The following EXD3 variants were observed in gnomAD, a reference collection of about 807,000 sequenced individuals.
EXD3 encodes the protein exonuclease mut-7 homolog.
In EXD3, 92 loss-of-function variants were observed where a neutral mutation model predicts 98.0. The ratio of observed to expected loss-of-function variants is 0.94; its 90% CI spans 0.79 to 1.12. The LOEUF (loss-of-function observed/expected upper bound fraction) is 1.12, where lower values mean the gene tolerates loss of function less well. Ranked by LOEUF, EXD3 falls within the 50% of genes most tolerant of loss-of-function variation. The pLI, the probability that EXD3 is intolerant of heterozygous loss-of-function variation, is 0.00. For synonymous variants in EXD3, 569 were observed against 526.0 expected (o/e 1.08, Z -1.12); for missense variants, 1,222 against 1,191.6 (o/e 1.03, Z -0.38).
intron 2 of EXD3, among the ~76,000 whole-genome samples, chr9:137,386,458 G>A (rs1037039829): frequency 2.0e-5 from 3 of 151,872 alleles, no homozygotes; most frequent in African/African-American, 4.8e-5. Flanking sequence ...TGCCCTCCAG[G>A]TGGGCAGGGT....
intron 2 of EXD3, among the ~76,000 whole-genome samples, chr9:137,388,209 C>A (rs1436168517): frequency 1.3e-5 from 2 of 152,130 alleles, no homozygotes; most frequent in Non-Finnish European, 2.9e-5. Context: ...TGGCTTCCCC[C>A]CCAGCCACCC....
chr9:137,346,925 T>G (rs1328267933), intron 17 of EXD3, among the ~76,000 whole-genome samples: 1 of 152,122 alleles, frequency 6.6e-6, no homozygotes, highest in East Asian at 1.9e-4. Context: ...CAAGCAATTC[T>G]CTGCCTCAGC....
In EXD3 at chr9:137,354,250, C is replaced by T. The variant is rs187689012; in HGVS notation, c.870+89G>A. ...AGCCCCAGCGAAGGCCTCAGCTCTG[C>T]GCACTTCCACCAGGAGGCTCCGGGC... On this transcript the variant is annotated intron_variant, in intron 10 of 21. Coordinates refer to ENST00000340951, the MANE Select transcript of EXD3 (RefSeq NM_017820.5). 4.8e-3 allele frequency: 7,375 copies of T among 1,549,724 alleles called. 37 individuals carry two copies. Among genetic ancestry groups the T allele is most frequent in the South Asian group, 8.5e-3 (730 of 86,074 alleles).
chr9:137,377,790 T>A (rs1218083068), intron 3 of EXD3, among the ~76,000 whole-genome samples: 1 of 140,246 alleles, frequency 7.1e-6, no homozygotes, highest in Non-Finnish European at 1.6e-5. Context: ...GTCGTTGAAT[T>A]TTTTTTTTTT....
intron 10 of EXD3, chr9:137,354,012 G>C: frequency 8.7e-7 from 1 of 1,155,568 alleles, no homozygotes. Context: ...CCTCGCCCAG[G>C]CGCCTTGCAC....
At chr9:137,410,739 G>A (rs1389128682) in intron 1 of EXD3, among the ~76,000 whole-genome samples, 3 of 152,160 alleles carry the variant, frequency 2.0e-5, no homozygotes, top group Non-Finnish European at 4.4e-5. Context: ...CATGGAGGAG[G>A]TGACCCACGG....
intron 3 of EXD3, among the ~76,000 whole-genome samples, chr9:137,375,336 T>C (rs527760478): frequency 6.6e-5 from 10 of 152,318 alleles, no homozygotes; most frequent in African/African-American, 1.7e-4. Flanking sequence ...TAGTGAGTTC[T>C]AGCTCTAGTG....
intron 5 of EXD3, among the ~76,000 whole-genome samples, chr9:137,372,651 G>A (rs117705584): frequency 0.015 from 2,265 of 152,336 alleles, 34 homozygotes; most frequent in Middle Eastern, 0.061. Flanking sequence ...GAGACACAGG[G>A]TCGGCAGGGG....
chr9:137,410,484 CAAAAAA>C (rs34834761), intron 1 of EXD3, among the ~76,000 whole-genome samples: 1 of 72,354 alleles, frequency 1.4e-5, no homozygotes, highest in African/African-American at 5.2e-5. Flanking sequence ...AACTCTGTCT[CAAAAAA>C]AAAAAAAAAA....
At position 137,419,986 on chromosome 9, in the gene EXD3, C is replaced by T. The variant is rs548000087; in HGVS notation, c.-48+3128G>A. Among the ~76,000 whole-genome samples the T allele has an allele frequency of 3.6e-3, 540 of 152,092 alleles. 2 individuals are homozygous for T. The highest frequency in any genetic ancestry group is 0.012 in the African/African-American group (488 of 41,494). ...CATCCTGGCTAATACGGTGAAACCC[C>T]ATCTCTACTAAAAATACAAAAAAAT... On this transcript the variant is annotated intron_variant, in intron 1 of 21. Coordinates refer to ENST00000340951, the MANE Select transcript of EXD3 (RefSeq NM_017820.5).
intron 20 of EXD3, among the ~76,000 whole-genome samples, chr9:137,309,264 T>G (rs1291401606): frequency 6.6e-6 from 1 of 152,082 alleles, no homozygotes; most frequent in Admixed American, 6.5e-5. Flanking sequence ...TGTGTGCAGG[T>G]GTAGGTGCAC....
At chr9:137,384,254 A>G (rs575136709) in intron 2 of EXD3, among the ~76,000 whole-genome samples, 13 of 152,354 alleles carry the variant, frequency 8.5e-5, no homozygotes, top group African/African-American at 1.7e-4. Context: ...AGACCTCAGC[A>G]GCTGGATTCT....
Position 137,351,421 on chromosome 9 carries a change from A to G in EXD3, c.1281T>C (p.Leu427=). Residue 427 remains leucine (L), a synonymous_variant, in exon 13 of 22, where the codon CTT becomes CTC. Transcript: ENST00000340951. The part of the protein sequence containing the change: ...LQVAVEGHVF[L]LDVLALSQPP... ...GCTGCGAGAGTGCCAGGACGTCCAGAAGGAACACGTGGCCCTCCACGGCCA... is the reference window on the plus strand; with the variant it reads ...GCTGCGAGAGTGCCAGGACGTCCAGGAGGAACACGTGGCCCTCCACGGCCA... 1.2e-6 allele frequency: 2 copies of G among 1,608,878 alleles called. No homozygotes were observed. Among genetic ancestry groups the G allele is most frequent in the South Asian group, 1.1e-5 (1 of 90,252 alleles).
chr9:137,414,976 C>A (rs1258347990), intron 1 of EXD3, among the ~76,000 whole-genome samples: 1 of 152,160 alleles, frequency 6.6e-6, no homozygotes, highest in Non-Finnish European at 1.5e-5. Flanking sequence ...CAAGCTTTGC[C>A]TCCAGGGTTC....
At chr9:137,374,992 C>A in intron 3 of EXD3, 2 of 354,964 alleles carry the variant, frequency 5.6e-6, no homozygotes, top group Non-Finnish European at 7.9e-6. Flanking sequence ...AGTTGTAGCT[C>A]TTGTGAGTTC....
intron 7 of EXD3, among the ~76,000 whole-genome samples, chr9:137,356,828 C>A (rs1474426899): frequency 6.6e-6 from 1 of 152,182 alleles, no homozygotes; most frequent in Admixed American, 6.5e-5. Context: ...TACTTGGCTC[C>A]TCCTGCCCCT....
At chr9:137,399,938 G>A (rs535823048) in intron 1 of EXD3, among the ~76,000 whole-genome samples, 54 of 151,612 alleles carry the variant, frequency 3.6e-4, no homozygotes, top group African/African-American at 1.2e-3. Flanking sequence ...GGCGGAGAAA[G>A]GCGAATCACT....
intron 7 of EXD3, among the ~76,000 whole-genome samples, chr9:137,362,317 A>C (rs775369747): frequency 1.7e-4 from 26 of 152,366 alleles, no homozygotes; most frequent in Non-Finnish European, 2.6e-4. Context: ...ATAATGGTCA[A>C]GTGCAGTCCA....
chr9:137,362,258 C>T (rs1835027970), intron 7 of EXD3, among the ~76,000 whole-genome samples: 1 of 152,054 alleles, frequency 6.6e-6, no homozygotes, highest in Admixed American at 6.6e-5. Context: ...ATGCAAACAT[C>T]CCTAACAAAA....
Sources: allele counts gnomAD v4.1 joint callset (sites outside exome capture counted in the v4.1 genomes callset), GRCh38; gene constraint gnomAD v4.1.1; transcripts MANE v1.5; gene names NCBI Gene and HGNC (gene_info 2026-07-23, HGNC 2026-07-21).